LARP4: variants seen among roughly 807,000 people sequenced by gnomAD.
The protein encoded by LARP4 is la-related protein 4.
LARP4 carries 29 observed loss-of-function variants against 92.9 expected under a neutral mutation model. That is an observed-to-expected ratio of 0.31 (90% CI 0.23 to 0.43). LARP4 has a LOEUF of 0.43. Ranked by LOEUF, LARP4 falls within the 20% of genes least tolerant of loss-of-function variation. The pLI is 1.00. For missense variants in LARP4, 732 were observed against 860.0 expected (o/e 0.85, Z 1.86); for synonymous variants, 279 against 284.1 (o/e 0.98, Z 0.18).
chr12:50,455,897 A>AT (rs1954138438), intron 10 of LARP4, among the ~76,000 whole-genome samples: 4 of 152,144 alleles, frequency 2.6e-5, no homozygotes, highest in Admixed American at 2.0e-4. Context: ...AAATACAAAA[A>AT]TTAGCTGGGC....
rs1207919187 is a variant in LARP4, at chr12:50,478,215, A to C, written c.*2351A>C. Reference sequence around the variant, plus strand: ...TTTAAAGTAGAAATTTAATTTGTAGATATAACCTTTAAAAATTTTCTCATT... The same window carrying C: ...TTTAAAGTAGAAATTTAATTTGTAGCTATAACCTTTAAAAATTTTCTCATT... On this transcript the variant is annotated 3_prime_UTR_variant, in exon 16 of 16. Coordinates refer to ENST00000398473, the MANE Select transcript of LARP4 (RefSeq NM_052879.5). 6.6e-6 allele frequency: 1 copy of C among 152,300 alleles called. No homozygotes were observed. Among genetic ancestry groups the C allele is most frequent in the East Asian group, 1.9e-4 (1 of 5,194 alleles). 9.4% of individuals were successfully genotyped at this position (152,300 alleles called of 1,614,324 possible).
At chr12:50,405,055 C>CTT (rs79462398) in intron 1 of LARP4, among the ~76,000 whole-genome samples, 2 of 140,716 alleles carry the variant, frequency 1.4e-5, no homozygotes, top group Non-Finnish European at 3.1e-5. Flanking sequence ...CATGCCTGGC[C>CTT]TTTTTTTTTT....
chr12:50,437,892 G>T, intron 6 of LARP4, 54 bp downstream of exon 6: 1 of 1,202,684 alleles, frequency 8.3e-7, no homozygotes, highest in Non-Finnish European at 1.2e-6. Context: ...ATTAAAAGAG[G>T]TTTCTTCTGC....
chr12:50,467,059 C>T lies in LARP4; in HGVS notation c.1484C>T (p.Pro495Leu). 1 of 1,613,516 alleles carries T rather than the reference C, an allele frequency of 6.2e-7. No individual in the cohort carries two copies. The highest frequency in any genetic ancestry group is 8.5e-7 in the Non-Finnish European group (1 of 1,179,600). The change falls in exon 13 of 16, where the codon CCA (proline) becomes CTA (leucine). Residue 495 changes from proline (P) to leucine (L), a missense_variant. Pro to Leu is a moderately conservative substitution (Grantham distance 98, BLOSUM62 -3). Coordinates refer to ENST00000398473, the MANE Select transcript of LARP4 (RefSeq NM_052879.5). ...TTACCTGGAAGTTCATCAAGAATGCCAGGTGAACTCGTTTTGGAGAATAGG... is the reference window on the plus strand; with the variant it reads ...TTACCTGGAAGTTCATCAAGAATGCTAGGTGAACTCGTTTTGGAGAATAGG... ...PPLPGSSSRM[P>L]GELVLENRMS...
At chr12:50,421,226 G>A in intron 1 of LARP4, 1 of 973,794 alleles carries the variant, frequency 1.0e-6, no homozygotes, top group Non-Finnish European at 1.2e-6. Flanking sequence ...TTTGATTACA[G>A]GCGTGAGCCA....
chr12:50,416,846 A>T (rs934578823), intron 1 of LARP4, among the ~76,000 whole-genome samples: 1 of 151,796 alleles, frequency 6.6e-6, no homozygotes, highest in Non-Finnish European at 1.5e-5. Context: ...GTGTGGTGGC[A>T]TGCAGCTGTA....
intron 15 of LARP4, 24 bp from the exon 16 acceptor site, chr12:50,475,502 T>G (rs761556449): frequency 2.8e-5 from 42 of 1,489,926 alleles, no homozygotes; most frequent in Middle Eastern, 2.3e-4. Context: ...ACCATAAATG[T>G]TTTTTTTTAT....
At chr12:50,414,413 C>G (rs1417771703) in intron 1 of LARP4, among the ~76,000 whole-genome samples, 3 of 152,182 alleles carry the variant, frequency 2.0e-5, no homozygotes, top group Middle Eastern at 6.3e-3. Flanking sequence ...AAGCCATCCT[C>G]TCGTCTCAGC....
At position 50,425,891 on chromosome 12, in the gene LARP4, T is replaced by G. The variant is rs570103317; in HGVS notation, c.19-1871T>G. ...TCCTCCTCAGCTTCTCTTTCCAACCTCCCCTTGCCCATTTCCTCCTTCTTC... is the reference window on the plus strand; with the variant it reads ...TCCTCCTCAGCTTCTCTTTCCAACCGCCCCTTGCCCATTTCCTCCTTCTTC... On this transcript the variant is annotated intron_variant, in intron 1 of 15. Transcript: ENST00000398473. 2.0e-4 allele frequency among the ~76,000 whole-genome samples: 31 copies of G among 152,214 alleles called. No homozygotes were observed. In the East Asian group the frequency reaches 5.6e-3, roughly 27 times the overall value.
intron 12 of LARP4, among the ~76,000 whole-genome samples, chr12:50,465,821 C>T (rs1022745618): frequency 6.6e-6 from 1 of 152,046 alleles, no homozygotes; most frequent in African/African-American, 2.4e-5. Context: ...CAGAGATATA[C>T]CGCCATCACC....
chr12:50,410,090 CAAA>C (rs59117589), intron 1 of LARP4, among the ~76,000 whole-genome samples: 1 of 110,076 alleles, frequency 9.1e-6, no homozygotes, highest in Admixed American at 9.1e-5. Flanking sequence ...CCACGCCCGG[CAAA>C]AAAAAAAAAA....
At chr12:50,462,750 A>C (rs1955607542) in intron 12 of LARP4, 120 bp downstream of exon 12, 1 of 661,268 alleles carries the variant, frequency 1.5e-6, no homozygotes. Context: ...AGCAAAGGTA[A>C]ATAGAGCCTA....
chr12:50,460,957 A>G (rs1305943888), intron 10 of LARP4, among the ~76,000 whole-genome samples, 178 bp from the exon 11 acceptor site: 2 of 152,124 alleles, frequency 1.3e-5, no homozygotes, highest in African/African-American at 4.8e-5. Flanking sequence ...AGTTTACGTC[A>G]CTTTTTAAAA....
intron 1 of LARP4, among the ~76,000 whole-genome samples, chr12:50,419,032 T>C (rs754806586): frequency 1.3e-5 from 2 of 152,176 alleles, no homozygotes; most frequent in East Asian, 1.9e-4. Context: ...TCAACACATA[T>C]AAAGTTTTTT....
At chr12:50,464,926 G>T (rs577921762) in intron 12 of LARP4, among the ~76,000 whole-genome samples, 1 of 152,172 alleles carries the variant, frequency 6.6e-6, no homozygotes, top group South Asian at 2.1e-4. Flanking sequence ...TTGACCTCAG[G>T]TGATCCACCT....
intron 7 of LARP4, 76 bp from the exon 8 acceptor site, chr12:50,441,514 A>C: frequency 9.2e-7 from 1 of 1,090,454 alleles, no homozygotes; most frequent in Non-Finnish European, 1.4e-6. Context: ...TTAATACTAA[A>C]CTCTCAACAT....
chr12:50,400,914 A>G lies in LARP4; in HGVS notation c.-97A>G. 3 of 1,557,302 alleles carry G rather than the reference A, an allele frequency of 1.9e-6. No homozygotes were observed. The South Asian group carries it at 3.3e-5, about 17-fold the overall frequency. On this transcript the variant is annotated 5_prime_UTR_variant, in exon 1 of 16. Transcript: ENST00000398473. ...GGGTCCACTGCCGGGTGGAGGGGCA[A>G]GGCGAGTGTGTGTCCTTATCCTAGC...
At chr12:50,420,709 A>G (rs1479854345) in intron 1 of LARP4, 1 of 152,178 alleles carries the variant, frequency 6.6e-6, no homozygotes, top group Non-Finnish European at 1.5e-5. Flanking sequence ...TATGGCAAGG[A>G]TGGTTAAAAA....
Position 50,473,473 on chromosome 12 carries a change from C to T in LARP4, c.1604C>T (p.Thr535Ile), listed in dbSNP as rs747655030. ...CCTGCAGATGAGCAGACAGAATGCA[C>T]TTCTGCCCAGCAACTCAATATGAGT... ...PVPADEQTEC[T>I]SAQQLNMSTS... The change falls in exon 14 of 16, where the codon ACT (threonine) becomes ATT (isoleucine). Residue 535 changes from threonine to isoleucine, a missense_variant. Around this residue, in one of 7 missense-constraint regions of LARP4, gnomAD observed 97 missense variants for 85.9 expected, o/e 1.13. Transcript: ENST00000398473. 4 of 1,612,776 alleles carry T rather than the reference C, an allele frequency of 2.5e-6. No homozygotes were observed. Among genetic ancestry groups the T allele is most frequent in the South Asian group, 2.2e-5 (2 of 91,038 alleles).
Sources: gnomAD v4.1 joint callset for allele counts (sites outside exome capture counted in the v4.1 genomes callset) on GRCh38, gnomAD v4.1.1 for gene constraint, gnomAD v4.1.1 regional missense constraint, MANE v1.5 for transcripts, NCBI Gene and HGNC (gene_info 2026-07-23, HGNC 2026-07-21) for gene names.